Variants in SLAIN2 observed in about 807,000 individuals in gnomAD.
SLAIN2 encodes SLAIN motif-containing protein 2.
SLAIN2 carries 31 observed loss-of-function variants against 56.6 expected under a neutral mutation model. The observed-to-expected ratio is 0.55, with a 90% confidence interval of 0.41 to 0.74. The LOEUF is 0.74. Among genes scored for constraint, SLAIN2 ranks in the 30% least tolerant of loss-of-function variants. The pLI is 0.00. For missense variants in SLAIN2, 777 were observed against 754.2 expected (o/e 1.03, Z -0.35); for synonymous variants, 317 against 284.9 (o/e 1.11, Z -1.13).
At chr4:48,357,386 T>C (rs967907701) in intron 1 of SLAIN2, among the ~76,000 whole-genome samples, 4 of 149,922 alleles carry the variant, frequency 2.7e-5, no homozygotes, top group African/African-American at 7.3e-5. Context: ...TTTTTTTTTT[T>C]CCTCCTGTTT....
Position 48,425,904 on chromosome 4 carries a change from G to A in SLAIN2, c.*3827G>A, listed in dbSNP as rs950773795. ...CAAACTGGTTAAAACTATGTTAACT[G>A]AATGCTAGTTTGAAACAAATTATCT... On this transcript the variant is annotated 3_prime_UTR_variant, in exon 8 of 8. Transcript: ENST00000264313. 6.6e-6 allele frequency: 1 copy of A among 152,120 alleles called. No homozygotes were observed. The highest frequency in any genetic ancestry group is 2.4e-5 in the African/African-American group (1 of 41,418). 9.4% of individuals were successfully genotyped at this position (152,120 alleles called of 1,614,324 possible).
intron 6 of SLAIN2, among the ~76,000 whole-genome samples, chr4:48,402,409 T>C (rs542153190): frequency 2.9e-4 from 44 of 152,302 alleles, no homozygotes; most frequent in Admixed American, 1.6e-3. Context: ...CTCTTTCAGG[T>C]ACCCCAGTCA....
In SLAIN2 at chr4:48,342,030, G is replaced by A. The variant is rs1489224273; in HGVS notation, c.291G>A (p.Leu97=). 7.1e-7 allele frequency: 1 copy of A among 1,406,640 alleles called. No individual in the cohort carries two copies. The allele number at this position is 1,406,640 out of a possible 1,614,324, so 87.1% of individuals were successfully genotyped here. Residue 97 remains leucine, a synonymous_variant, in exon 1 of 8, where the codon TTG becomes TTA. Transcript: ENST00000264313. ...SSEELRDATS[L]LAAGEGGLLD... is the part of the protein sequence containing the mutation. ...AAGAGCTGCGGGACGCCACCTCCTT[G>A]CTAGCGGCGGGCGAGGGCGGCTTGC...
At chr4:48,363,543 A>G (rs1474584113) in intron 1 of SLAIN2, among the ~76,000 whole-genome samples, 60 of 68,480 alleles carry the variant, frequency 8.8e-4, no homozygotes, top group South Asian at 2.5e-3. Flanking sequence ...CTCACCTCCC[A>G]GACGGGGCGG....
At chr4:48,365,100 CTT>C (rs1007192502) in intron 1 of SLAIN2, among the ~76,000 whole-genome samples, 14 of 152,108 alleles carry the variant, frequency 9.2e-5, no homozygotes, top group African/African-American at 3.4e-4. Context: ...GATGTCCTCT[CTT>C]TTGTTTTTGG....
chr4:48,412,376 A>G (rs1577738498), intron 6 of SLAIN2, among the ~76,000 whole-genome samples: 2 of 76,152 alleles, frequency 2.6e-5, no homozygotes, highest in East Asian at 7.1e-4. Context: ...ACACACACAC[A>G]CACACACACA....
intron 1 of SLAIN2, among the ~76,000 whole-genome samples, chr4:48,345,957 G>A (rs1293922268): frequency 2.0e-5 from 3 of 149,094 alleles, no homozygotes; most frequent in Non-Finnish European, 3.0e-5. Flanking sequence ...ATCTATTATC[G>A]TCAGGCCCAT....
chr4:48,378,437 A>G (rs1475296647), intron 3 of SLAIN2, among the ~76,000 whole-genome samples: 1 of 152,188 alleles, frequency 6.6e-6, no homozygotes, highest in Non-Finnish European at 1.5e-5. Flanking sequence ...TACTGCAGCT[A>G]AATAATAGTA....
intron 6 of SLAIN2, among the ~76,000 whole-genome samples, chr4:48,398,421 A>G (rs1234628822): frequency 4.6e-5 from 7 of 152,188 alleles, no homozygotes; most frequent in Admixed American, 3.9e-4. Context: ...ATAGATTGCA[A>G]AAACTTTCTC....
chr4:48,398,185 C>T (rs1410790727), intron 6 of SLAIN2, among the ~76,000 whole-genome samples: 2 of 152,110 alleles, frequency 1.3e-5, no homozygotes, highest in Non-Finnish European at 2.9e-5. Context: ...TGTTTCTTGC[C>T]ATTCTGACTG....
chr4:48,359,195 A>G (rs1271659218), intron 1 of SLAIN2, among the ~76,000 whole-genome samples: 3 of 152,144 alleles, frequency 2.0e-5, no homozygotes, highest in South Asian at 2.1e-4. Context: ...TTGAACATGT[A>G]TAAGTGTCTG....
At chr4:48,390,628 A>G (rs1716216819) in intron 6 of SLAIN2, among the ~76,000 whole-genome samples, 1 of 152,226 alleles carries the variant, frequency 6.6e-6, no homozygotes. Flanking sequence ...AAAAATAAAT[A>G]ATAAAATCAA....
At chr4:48,376,477 TTGAA>T (rs1257901470) in intron 2 of SLAIN2, among the ~76,000 whole-genome samples, 1 of 148,382 alleles carries the variant, frequency 6.7e-6, no homozygotes, top group Non-Finnish European at 1.5e-5. Context: ...AAAAAAAAGA[TTGAA>T]GGAAGAAATA....
At position 48,424,999 on chromosome 4, in the gene SLAIN2, TA is replaced by T. The variant is rs1209421756; in HGVS notation, c.*2924del. 1.3e-5 allele frequency: 2 copies of T among 152,146 alleles called. No homozygotes were observed. The highest frequency in any genetic ancestry group is 6.5e-5 in the Admixed American group (1 of 15,278). The allele number at this position is 152,146 out of a possible 1,614,324, so 9.4% of individuals were successfully genotyped here. A position where few individuals can be genotyped will look rare whatever the true frequency, so the allele number is the denominator to read the frequency against. The stretch of plus-strand genomic sequence containing the variant: ...GCCTCCTTAATAAACAGCCTGACCA[TA>T]ATGTTTATTATTAAATTTATATTCT... On this transcript the variant is annotated 3_prime_UTR_variant, in exon 8 of 8. Transcript: ENST00000264313.
At chr4:48,410,620 A>G (rs1716821310) in intron 6 of SLAIN2, among the ~76,000 whole-genome samples, 1 of 151,972 alleles carries the variant, frequency 6.6e-6, no homozygotes. Flanking sequence ...TCCCTTCCCC[A>G]AGTCCGGCTC....
intron 6 of SLAIN2, among the ~76,000 whole-genome samples, chr4:48,393,386 TTGTGTG>T (rs57142552): frequency 3.9e-4 from 53 of 135,448 alleles, no homozygotes; most frequent in Admixed American, 1.3e-3. Flanking sequence ...CATGTCTGGC[TTGTGTG>T]TGTGTGTGTG....
rs1175463072 is a variant in SLAIN2 at position 48,425,605 on chromosome 4, A to AG, written c.*3531dup. On this transcript the variant is annotated 3_prime_UTR_variant, in exon 8 of 8. Transcript: ENST00000264313. ...TTACAATTAGATTAATAGTGATGAGAGGGAAAAAAGACACCCTTCTGTTTT... is the reference window on the plus strand; with the variant it reads ...TTACAATTAGATTAATAGTGATGAGAGGGGAAAAAAGACACCCTTCTGTTTT... The AG allele has an allele frequency of 6.6e-6, 1 of 152,156 alleles. No individual in the cohort carries two copies. The highest frequency in any genetic ancestry group is 1.5e-5 in the Non-Finnish European group (1 of 67,992). The allele number at this position is 152,156 out of a possible 1,614,324, so 9.4% of individuals were successfully genotyped here.
Position 48,420,116 on chromosome 4 carries a change from A to C in SLAIN2, c.1361-9A>C. ...ACTCAAAAATTGGTTTTTCTTTGCC[A>C]TCCCACAGTACCTTCTCCAGGCAAA... On this transcript the variant is annotated splice_polypyrimidine_tract_variant and intron_variant, in intron 6 of 7. Transcript: ENST00000264313. The C allele has an allele frequency of 6.2e-7, 1 of 1,611,590 alleles. No homozygotes were observed. Among genetic ancestry groups the C allele is most frequent in the Non-Finnish European group, 8.5e-7 (1 of 1,178,192 alleles).
intron 5 of SLAIN2, 84 bp from the exon 6 acceptor site, chr4:48,383,554 TGATAAACAA>T (rs1449655011): frequency 8.4e-7 from 1 of 1,184,378 alleles, no homozygotes; most frequent in Admixed American, 2.9e-5. Context: ...ACAGAATGTT[TGATAAACAA>T]TTTGATTTTT....
Sources: gnomAD v4.1 joint callset for allele counts (sites outside exome capture counted in the v4.1 genomes callset) on GRCh38, gnomAD v4.1.1 for gene constraint, MANE v1.5 for transcripts, NCBI Gene and HGNC (gene_info 2026-07-23, HGNC 2026-07-21) for gene names.